The following TMEM132B variants were observed in gnomAD, a reference collection of about 807,000 sequenced individuals.
TMEM132B encodes transmembrane protein 132B.
A neutral mutation model predicts 90.8 loss-of-function variants in TMEM132B; 18 were observed. The observed-to-expected ratio is 0.20, with a 90% CI of 0.14 to 0.29. The LOEUF (loss-of-function observed/expected upper bound fraction) is 0.29. TMEM132B is among the 10% of genes least tolerant of loss of function. The pLI is 1.00. For missense variants in TMEM132B, 1,096 were observed against 1,326.8 expected (o/e 0.83, Z 2.70); for synonymous variants, 504 against 523.3 (o/e 0.96, Z 0.50).
At chr12:125,626,816 T>C (rs1886244980) in intron 5 of TMEM132B, among the ~76,000 whole-genome samples, 1 of 152,238 alleles carries the variant, frequency 6.6e-6, no homozygotes, top group African/African-American at 2.4e-5. Context: ...CATGACCTTC[T>C]TGGATCTGTG....
intron 3 of TMEM132B, among the ~76,000 whole-genome samples, chr12:125,512,404 A>G (rs1275873868): frequency 6.6e-6 from 1 of 152,230 alleles, no homozygotes; most frequent in Non-Finnish European, 1.5e-5. Context: ...ATGATTAAGC[A>G]AAGTATGGCT....
In TMEM132B at chr12:125,407,995, T is replaced by G. The variant is rs144073185; in HGVS notation, c.960-7536T>G. ...GGCATGCAGAAGGAGAGACAGAGCA[T>G]GGCAGGGTCCCCAGAAGCCCAGCAG... On this transcript the variant is annotated intron_variant, in intron 2 of 8. Transcript: ENST00000682704. The surrounding 1 kb of genome is among the most constrained non-coding windows in gnomAD (Gnocchi z 6.7). Among the ~76,000 whole-genome samples the G allele has an allele frequency of 1.7e-3, 264 of 152,314 alleles. No individual in the cohort carries two copies. Among genetic ancestry groups the G allele is most frequent in the African/African-American group, 5.9e-3 (244 of 41,574 alleles).
chr12:125,206,189 C>T (rs1873181075), intron 1 of TMEM132B, among the ~76,000 whole-genome samples: 1 of 152,128 alleles, frequency 6.6e-6, no homozygotes, highest in Non-Finnish European at 1.5e-5. Flanking sequence ...TCAGAGGCAC[C>T]AGATGCCCCT....
At chr12:125,357,926 C>T (rs1877833403) in intron 2 of TMEM132B, among the ~76,000 whole-genome samples, 1 of 152,210 alleles carries the variant, frequency 6.6e-6, no homozygotes, top group Admixed American at 6.5e-5. Flanking sequence ...TGCTGGTTAG[C>T]CTCAGTCTCC....
intron 5 of TMEM132B, among the ~76,000 whole-genome samples, chr12:125,627,859 C>T (rs1023272713): frequency 3.3e-5 from 5 of 152,112 alleles, no homozygotes; most frequent in South Asian, 2.1e-4. Context: ...CCACTATCTT[C>T]GTGAGTTCAA....
At chr12:125,584,047 T>G in intron 5 of TMEM132B, 53 bp downstream of exon 5, 1 of 1,612,448 alleles carries the variant, frequency 6.2e-7, no homozygotes, top group Non-Finnish European at 8.5e-7. Flanking sequence ...TTTTTGTCGT[T>G]CCTTCTTTTG....
rs143767037 is a variant in TMEM132B, at chr12:125,282,582, G to A, written c.68-66870G>A. Reference sequence around the variant, plus strand: ...CTCTTAGTGACTGTGAGGCCCAAGGGCAGCTATGTTGTCCCCTCCCCTTTG... The same window carrying A: ...CTCTTAGTGACTGTGAGGCCCAAGGACAGCTATGTTGTCCCCTCCCCTTTG... On this transcript the variant is annotated intron_variant, in intron 1 of 8. Transcript: ENST00000682704. Among the ~76,000 whole-genome samples the A allele has an allele frequency of 4.7e-4, 71 of 152,286 alleles. 1 individual carries two copies. Among genetic ancestry groups the A allele is most frequent in the Middle Eastern group, 3.4e-3 (1 of 294 alleles).
chr12:125,314,593 C>G (rs438937), intron 1 of TMEM132B, among the ~76,000 whole-genome samples: 112,692 of 151,666 alleles, frequency 0.74, 42,854 homozygotes, highest in African/African-American at 0.9. Flanking sequence ...AGCAAGGCTT[C>G]AACGGGGCAA....
At chr12:125,494,259 C>A (rs1349777131) in intron 3 of TMEM132B, among the ~76,000 whole-genome samples, 5 of 137,502 alleles carry the variant, frequency 3.6e-5, no homozygotes, top group East Asian at 2.4e-4. Context: ...TCTTCCCCCT[C>A]CTCCCTGGAA....
At chr12:125,540,724 C>G (rs1883932138) in intron 4 of TMEM132B, among the ~76,000 whole-genome samples, 1 of 152,200 alleles carries the variant, frequency 6.6e-6, no homozygotes, top group South Asian at 2.1e-4. Context: ...GTAATCTCTC[C>G]TAGTTCTACC....
chr12:125,650,241 C>G (rs1353072854), intron 6 of TMEM132B, among the ~76,000 whole-genome samples: 1 of 152,078 alleles, frequency 6.6e-6, no homozygotes, highest in Non-Finnish European at 1.5e-5. Flanking sequence ...AAGGGGCCAG[C>G]TGTTCCTATG....
rs1431211777 is a variant in TMEM132B at position 125,213,600 on chromosome 12, C to G, written c.67+26734C>G. On this transcript the variant is annotated intron_variant, in intron 1 of 8. Coordinates refer to ENST00000682704, the MANE Select transcript of TMEM132B (RefSeq NM_001366854.1). The surrounding 1 kb of genome is among the most constrained non-coding windows in gnomAD (Gnocchi z 4.2). ...GGCTTCTGATTCAGTGATGGCTTCT[C>G]CAGCCTAGACCTTCTCTATAAATTA... is the stretch of plus-strand genomic sequence containing the variant. Among the ~76,000 whole-genome samples the G allele has an allele frequency of 1.3e-5, 2 of 152,226 alleles. No homozygotes were observed.
intron 4 of TMEM132B, among the ~76,000 whole-genome samples, chr12:125,534,495 T>C (rs749608490): frequency 2.0e-5 from 3 of 152,108 alleles, no homozygotes; most frequent in African/African-American, 4.8e-5. Context: ...CCAGCTTGGG[T>C]GACAAAGCAA....
chr12:125,644,392 G>A (rs553346384), intron 6 of TMEM132B, 111 bp downstream of exon 6: 16 of 1,184,452 alleles, frequency 1.4e-5, no homozygotes, highest in East Asian at 7.6e-5. Context: ...CATCCACAGC[G>A]GGAAGCGTGG....
intron 1 of TMEM132B, among the ~76,000 whole-genome samples, chr12:125,228,471 A>G (rs927688085): frequency 1.3e-5 from 2 of 152,096 alleles, no homozygotes; most frequent in African/African-American, 4.8e-5. Flanking sequence ...GAGTCGAACA[A>G]TTTGGGTTTT....
Position 125,413,776 on chromosome 12 carries a change from G to A in TMEM132B, c.960-1755G>A, listed in dbSNP as rs1016222476. On this transcript the variant is annotated intron_variant, in intron 2 of 8. Coordinates refer to ENST00000682704, the MANE Select transcript of TMEM132B (RefSeq NM_001366854.1). Reference sequence around the variant, plus strand: ...CATTTGAGTTCTTTCAGTCTTTTACGTATTGCCCACAGTGCTGCTGTGAAC... The same window carrying A: ...CATTTGAGTTCTTTCAGTCTTTTACATATTGCCCACAGTGCTGCTGTGAAC... Among the ~76,000 whole-genome samples, 6 of 152,106 alleles carry A rather than the reference G, an allele frequency of 3.9e-5. No homozygotes were observed. In the South Asian group the frequency reaches 6.2e-4, roughly 16 times the overall value.
intron 3 of TMEM132B, among the ~76,000 whole-genome samples, chr12:125,452,291 A>G (rs1045782265): frequency 2.6e-5 from 4 of 152,062 alleles, no homozygotes; most frequent in African/African-American, 9.7e-5. Flanking sequence ...TGAGACTGCC[A>G]TTACTGAAAG....
At position 125,218,790 on chromosome 12, in the gene TMEM132B, T is replaced by TTTA. The variant is rs397957730; in HGVS notation, c.67+31924_67+31925insTTA. 6.5e-4 allele frequency among the ~76,000 whole-genome samples: 97 copies of TTTA among 150,122 alleles called. 1 individual carries two copies. The highest frequency in any genetic ancestry group is 2.0e-3 in the African/African-American group (79 of 40,428). On this transcript the variant is annotated intron_variant, in intron 1 of 8. Coordinates refer to ENST00000682704, the MANE Select transcript of TMEM132B (RefSeq NM_001366854.1). ...AGCTGTTTTTTTTTTTTTTTTTTTT[T>TTTA]ATTGGAATTACCCAGCTATTCTATT...
In TMEM132B at chr12:125,589,284, C is replaced by T. The variant is rs1354212872; in HGVS notation, c.1437+5290C>T. Among the ~76,000 whole-genome samples, 6 of 151,968 alleles carry T rather than the reference C, an allele frequency of 3.9e-5. 1 individual carries two copies. The highest frequency in any genetic ancestry group is 2.1e-4 in the South Asian group (1 of 4,804). ...GATCACGAGGTCAGGAGATCGAGACCATCCTGGCTAACACGGTGAAACCCT... is the reference window on the plus strand; with the variant it reads ...GATCACGAGGTCAGGAGATCGAGACTATCCTGGCTAACACGGTGAAACCCT... On this transcript the variant is annotated intron_variant, in intron 5 of 8. Coordinates refer to ENST00000682704, the MANE Select transcript of TMEM132B (RefSeq NM_001366854.1).
Sources: allele counts gnomAD v4.1 joint callset (sites outside exome capture counted in the v4.1 genomes callset), GRCh38; gene constraint gnomAD v4.1.1; non-coding constraint Gnocchi (gnomAD v3.1); transcripts MANE v1.5; gene names NCBI Gene and HGNC (gene_info 2026-07-23, HGNC 2026-07-21).